The following CRISPLD2 variants were observed in gnomAD, a reference collection of about 807,000 sequenced individuals.
CRISPLD2 encodes the protein cysteine-rich secretory protein LCCL domain-containing 2.
Under a neutral mutation model 71.1 loss-of-function variants are expected in CRISPLD2, and 47 were observed. The ratio of observed to expected loss-of-function variants is 0.66; its 90% CI spans 0.52 to 0.84. CRISPLD2 has a LOEUF of 0.84. Among genes scored for constraint, CRISPLD2 ranks in the 40% least tolerant of loss-of-function variants. CRISPLD2 has a pLI of 0.00. For synonymous variants in CRISPLD2, 317 were observed against 250.1 expected (o/e 1.27, Z -2.52); for missense variants, 830 against 651.1 (o/e 1.27, Z -2.99).
chr16:84,881,228 A>T (rs1394956218), intron 13 of CRISPLD2, among the ~76,000 whole-genome samples: 1 of 152,148 alleles, frequency 6.6e-6, no homozygotes, highest in Non-Finnish European at 1.5e-5. Flanking sequence ...ATTTATAGAA[A>T]CTGGTCCACG....
chr16:84,855,165 C>T (rs886299453), intron 6 of CRISPLD2, among the ~76,000 whole-genome samples: 3 of 152,134 alleles, frequency 2.0e-5, no homozygotes, highest in Non-Finnish European at 2.9e-5. Context: ...AAATAGGCCA[C>T]GGGCTGGACA....
chr16:84,837,108 G>T (rs1007974849), intron 1 of CRISPLD2, among the ~76,000 whole-genome samples: 4 of 152,206 alleles, frequency 2.6e-5, no homozygotes, highest in Non-Finnish European at 5.9e-5. Context: ...GAGGTGACTG[G>T]GTGGCCCCGA....
rs183126940 is a variant in CRISPLD2, at chr16:84,881,690, G to T, written c.1305+1106G>T. On this transcript the variant is annotated intron_variant, in intron 13 of 14. Transcript: ENST00000262424. Reference sequence around the variant, plus strand: ...AAGGTCTCACTATGTTGCCCAGGCTGATCTCGAACTCCTGGGCTCGAGCGA... The same window carrying T: ...AAGGTCTCACTATGTTGCCCAGGCTTATCTCGAACTCCTGGGCTCGAGCGA... 1.4e-3 allele frequency among the ~76,000 whole-genome samples: 207 copies of T among 152,250 alleles called. 1 individual carries two copies. The highest frequency in any genetic ancestry group is 4.5e-3 in the African/African-American group (186 of 41,542).
intron 1 of CRISPLD2, among the ~76,000 whole-genome samples, chr16:84,824,112 A>G (rs1916293357): frequency 6.7e-6 from 1 of 149,396 alleles, no homozygotes. Flanking sequence ...GCAGGGGAAG[A>G]TGATAGTGGG....
intron 14 of CRISPLD2, among the ~76,000 whole-genome samples, chr16:84,891,848 C>T (rs974652186): frequency 6.6e-6 from 1 of 152,164 alleles, no homozygotes. Context: ...GGCTGTCGGT[C>T]TTTCTCTCTT....
At chr16:84,822,954 C>A (rs1916264650) in intron 1 of CRISPLD2, among the ~76,000 whole-genome samples, 2 of 152,300 alleles carry the variant, frequency 1.3e-5, no homozygotes, top group South Asian at 4.1e-4. Context: ...ATTGTGCAGC[C>A]ACCACCACTA....
chr16:84,862,254 G>A (rs544130913), intron 6 of CRISPLD2, among the ~76,000 whole-genome samples: 1 of 152,098 alleles, frequency 6.6e-6, no homozygotes, highest in South Asian at 2.1e-4. Context: ...CCAGGCTGGA[G>A]TGCAGTGGCG....
At chr16:84,892,975 CAAAAAAA>C (rs35939092) in intron 14 of CRISPLD2, among the ~76,000 whole-genome samples, 1 of 64,946 alleles carries the variant, frequency 1.5e-5, no homozygotes, top group Non-Finnish European at 3.0e-5. Context: ...GACTCCATCT[CAAAAAAA>C]AAAAAAAAAA....
chr16:84,879,177 C>G (rs894128871), intron 12 of CRISPLD2, among the ~76,000 whole-genome samples: 2 of 152,188 alleles, frequency 1.3e-5, no homozygotes, highest in African/African-American at 2.4e-5. Flanking sequence ...CTTGAATGTT[C>G]GAGTGGGGAT....
chr16:84,848,750 C>G (rs1916986815), intron 3 of CRISPLD2, among the ~76,000 whole-genome samples: 1 of 152,178 alleles, frequency 6.6e-6, no homozygotes, highest in Non-Finnish European at 1.5e-5. Flanking sequence ...CTTAAGTGCA[C>G]TCACGTCTTC....
chr16:84,873,293 C>T, intron 10 of CRISPLD2, 171 bp downstream of exon 10: 1 of 641,446 alleles, frequency 1.6e-6, no homozygotes, highest in Non-Finnish European at 2.5e-6. Context: ...GCCTGACCAA[C>T]ATGGTGAAAG....
At chr16:84,891,581 A>G (rs1358158871) in intron 14 of CRISPLD2, among the ~76,000 whole-genome samples, 1 of 152,234 alleles carries the variant, frequency 6.6e-6, no homozygotes, top group East Asian at 1.9e-4. Context: ...CCGGGCTGGA[A>G]AGAAATCCCA....
At chr16:84,842,725 AACATGCTGTTGGG>A (rs2143188667) in intron 2 of CRISPLD2, among the ~76,000 whole-genome samples, 1 of 152,172 alleles carries the variant, frequency 6.6e-6, no homozygotes, top group East Asian at 1.9e-4. Context: ...GGCTTGTTGG[AACATGCTGTTGGG>A]AGAGTTGCTT....
chr16:84,889,204 G>T (rs1032978783), intron 13 of CRISPLD2, 26 bp from the exon 14 acceptor site: 1 of 1,613,826 alleles, frequency 6.2e-7, no homozygotes, highest in Non-Finnish European at 8.5e-7. Flanking sequence ...CCGCATCGCT[G>T]ATCACAGCCC....
intron 1 of CRISPLD2, among the ~76,000 whole-genome samples, chr16:84,827,368 C>T (rs1321715952): frequency 6.6e-6 from 1 of 152,082 alleles, no homozygotes; most frequent in East Asian, 1.9e-4. Context: ...GCCCTCTTTG[C>T]ATTTAGAGCA....
At chr16:84,866,770 G>C in intron 6 of CRISPLD2, 127 bp from the exon 7 acceptor site, 1 of 879,354 alleles carries the variant, frequency 1.1e-6, no homozygotes, top group South Asian at 1.7e-5. Context: ...TCTCTTTGCC[G>C]CTGAAATGAT....
intron 14 of CRISPLD2, among the ~76,000 whole-genome samples, chr16:84,899,708 G>A (rs2071736787): frequency 6.6e-6 from 1 of 152,162 alleles, no homozygotes; most frequent in African/African-American, 2.4e-5. Context: ...GTTTAATGGG[G>A]TGCATGGTTG....
chr16:84,873,794 A>G (rs1355568398), intron 10 of CRISPLD2, 126 bp from the exon 11 acceptor site: 19 of 886,286 alleles, frequency 2.1e-5, no homozygotes, highest in Non-Finnish European at 3.2e-5. Flanking sequence ...GCTGATAGGA[A>G]ACAAGTAGAA....
intron 8 of CRISPLD2, among the ~76,000 whole-genome samples, chr16:84,870,108 C>T (rs1263464677): frequency 6.6e-6 from 1 of 152,150 alleles, no homozygotes; most frequent in Non-Finnish European, 1.5e-5. Context: ...GTTCATGGTG[C>T]TTTTACAAAA....
Sources: gnomAD v4.1 joint callset for allele counts (sites outside exome capture counted in the v4.1 genomes callset) on GRCh38, gnomAD v4.1.1 for gene constraint, MANE v1.5 for transcripts, NCBI Gene and HGNC (gene_info 2026-07-23, HGNC 2026-07-21) for gene names.